Variants in DZIP3 observed in about 807,000 individuals in gnomAD.
DZIP3 encodes E3 ubiquitin-protein ligase DZIP3.
Under a neutral mutation model 162.0 loss-of-function variants are expected in DZIP3, and 118 were observed. The ratio of observed to expected loss-of-function variants is 0.73; its 90% CI spans 0.63 to 0.85. The LOEUF (loss-of-function observed/expected upper bound fraction) is 0.85. DZIP3 is among the 40% of genes least tolerant of loss of function. DZIP3 has a pLI of 0.00. For missense variants in DZIP3, 1,331 were observed against 1,407.0 expected, an observed-to-expected ratio of 0.95 and a Z score of 0.86; for synonymous variants, 438 against 458.6, an observed-to-expected ratio of 0.96 and a Z score of 0.57.
At chr3:108,662,300 T>TA (rs769837232) in intron 21 of DZIP3, 43 bp downstream of exon 21, 1 of 1,548,826 alleles carries the variant, frequency 6.5e-7, no homozygotes, top group African/African-American at 1.4e-5. Context: ...TGCGCCGTAA[T>TA]AAACAGTATC....
intron 4 of DZIP3, among the ~76,000 whole-genome samples, chr3:108,615,499 G>T (rs1372922097): frequency 1.3e-5 from 2 of 152,140 alleles, no homozygotes; most frequent in Non-Finnish European, 2.9e-5. Context: ...TAGAGAAGAG[G>T]CTCATTAAAT....
chr3:108,683,526 A>G (rs1198852582), intron 26 of DZIP3, among the ~76,000 whole-genome samples: 1 of 152,160 alleles, frequency 6.6e-6, no homozygotes, highest in Non-Finnish European at 1.5e-5. Flanking sequence ...CTACATATCC[A>G]ATAAATCTGC....
In DZIP3 at chr3:108,675,675, G is replaced by A. The variant is rs1944080523; in HGVS notation, c.2694-111G>A. Reference sequence around the variant, plus strand: ...TTTGAAGTAATTGTTGGTGATGGGGGTAATTTTGTTTTTTGTTGACATATA... The same window carrying A: ...TTTGAAGTAATTGTTGGTGATGGGGATAATTTTGTTTTTTGTTGACATATA... On this transcript the variant is annotated intron_variant, in intron 24 of 32. Transcript: ENST00000361582. The A allele has an allele frequency of 1.4e-5, 10 of 728,340 alleles. No homozygotes were observed. In the South Asian group the frequency reaches 1.7e-4, roughly 13 times the overall value. The allele number at this position is 728,340 out of a possible 1,614,324, so 45.1% of individuals were successfully genotyped here.
chr3:108,609,082 C>T (rs1158976566), intron 3 of DZIP3, among the ~76,000 whole-genome samples: 6 of 152,140 alleles, frequency 3.9e-5, no homozygotes, highest in Admixed American at 3.9e-4. Flanking sequence ...TCTTATCATG[C>T]GACAGCACTA....
intron 7 of DZIP3, among the ~76,000 whole-genome samples, chr3:108,626,621 T>G (rs1475777531): frequency 6.6e-6 from 1 of 152,210 alleles, no homozygotes; most frequent in Non-Finnish European, 1.5e-5. Flanking sequence ...TTTTATTTAC[T>G]AAGTATCCAT....
intron 18 of DZIP3, among the ~76,000 whole-genome samples, chr3:108,653,507 G>GTGTGTGTATA (rs1273159630): frequency 9.6e-6 from 1 of 104,600 alleles, no homozygotes; most frequent in Admixed American, 1.0e-4. Context: ...GTGTGTGTGT[G>GTGTGTGTATA]TATATATATA....
intron 26 of DZIP3, among the ~76,000 whole-genome samples, chr3:108,681,731 CATGG>C (rs1944317674): frequency 1.4e-5 from 2 of 144,192 alleles, no homozygotes; most frequent in African/African-American, 5.9e-5. Flanking sequence ...AAATATACAC[CATGG>C]AATACTCTGC....
chr3:108,631,940 C>T (rs1399701678), intron 8 of DZIP3, among the ~76,000 whole-genome samples: 1 of 151,696 alleles, frequency 6.6e-6, no homozygotes, highest in Non-Finnish European at 1.5e-5. Context: ...ATTCAGATGC[C>T]TTGTAGACTA....
chr3:108,618,465 C>T (rs1051373964), intron 5 of DZIP3, among the ~76,000 whole-genome samples: 4 of 152,130 alleles, frequency 2.6e-5, no homozygotes, highest in Admixed American at 6.5e-5. Flanking sequence ...CATCTTAGGG[C>T]ACAGAGGTTA....
At chr3:108,631,055 A>ACACACACACACATACACACT in intron 8 of DZIP3, among the ~76,000 whole-genome samples, 3 of 18,006 alleles carry the variant, frequency 1.7e-4, no homozygotes, top group African/African-American at 8.5e-4. Flanking sequence ...ACACACACAC[A>ACACACACACACATACACACT]CTCTCTCTCT....
In DZIP3 at chr3:108,674,153, C is replaced by G; in HGVS notation, c.2665C>G (p.Leu889Val). Residue 889 changes from leucine to valine, a missense_variant, in exon 24 of 33, where the codon CTT becomes GTT. By Grantham distance (32) the Leu-to-Val change is conservative. Coordinates refer to ENST00000361582, the MANE Select transcript of DZIP3 (RefSeq NM_014648.4). Reference protein sequence around the residue: ...EQTEKECLNQLARVTHMAASN... With the variant: ...EQTEKECLNQVARVTHMAASN... ...GACTGAAAAGGAATGTCTCAATCAGCTTGCCAGGGTGACTCACATGGCAGC... is the reference window on the plus strand; with the variant it reads ...GACTGAAAAGGAATGTCTCAATCAGGTTGCCAGGGTGACTCACATGGCAGC... The G allele has an allele frequency of 6.2e-7, 1 of 1,612,360 alleles. No individual in the cohort carries two copies. Among genetic ancestry groups the G allele is most frequent in the Admixed American group, 1.7e-5 (1 of 59,822 alleles).
At chr3:108,601,733 G>A (rs1940030056) in intron 1 of DZIP3, among the ~76,000 whole-genome samples, 1 of 152,098 alleles carries the variant, frequency 6.6e-6, no homozygotes, top group African/African-American at 2.4e-5. Context: ...GATAAACATA[G>A]AGATTGACCC....
Position 108,687,856 on chromosome 3 carries a change from T to A in DZIP3, c.3150-120T>A. 9.2e-6 allele frequency: 12 copies of A among 1,307,004 alleles called. 1 individual carries two copies. In the South Asian group the frequency reaches 1.6e-4, roughly 17 times the overall value. The allele number at this position is 1,307,004 out of a possible 1,614,324, so 81.0% of individuals were successfully genotyped here. ...TTTTTTAGATCAAAGACCTAAAGAG[T>A]CCTGTCTGTATGCTACATATCAATC... On this transcript the variant is annotated intron_variant, in intron 28 of 32. Transcript: ENST00000361582.
intron 5 of DZIP3, among the ~76,000 whole-genome samples, chr3:108,618,107 A>G (rs1174502521): frequency 6.6e-6 from 1 of 152,212 alleles, no homozygotes; most frequent in Admixed American, 6.5e-5. Context: ...TGCAGTTGCG[A>G]ATAGCATCTC....
intron 19 of DZIP3, among the ~76,000 whole-genome samples, chr3:108,660,514 A>C (rs1285851462): frequency 4.6e-5 from 7 of 152,128 alleles, no homozygotes; most frequent in Non-Finnish European, 8.8e-5. Context: ...CTTAAATGTT[A>C]GACCTAAAAC....
At chr3:108,683,673 C>T (rs1263954045) in intron 26 of DZIP3, among the ~76,000 whole-genome samples, 2 of 152,164 alleles carry the variant, frequency 1.3e-5, no homozygotes, top group Non-Finnish European at 2.9e-5. Flanking sequence ...GTTTATCTCC[C>T]AGGCCCATCC....
intron 23 of DZIP3, among the ~76,000 whole-genome samples, chr3:108,673,708 A>C (rs1559776969): frequency 6.6e-6 from 1 of 151,972 alleles, no homozygotes; most frequent in Non-Finnish European, 1.5e-5. Flanking sequence ...ACTTTACTGC[A>C]TGTTAGAATT....
intron 8 of DZIP3, among the ~76,000 whole-genome samples, chr3:108,631,245 T>C (rs1941874103): frequency 6.6e-6 from 1 of 151,952 alleles, no homozygotes; most frequent in African/African-American, 2.4e-5. Context: ...CTTGTTTTGG[T>C]GGTGCAACTC....
intron 23 of DZIP3, among the ~76,000 whole-genome samples, chr3:108,673,775 A>C (rs535117965): frequency 1.0e-3 from 152 of 152,092 alleles, no homozygotes; most frequent in Non-Finnish European, 1.8e-3. Flanking sequence ...CAATCAAATT[A>C]GAATATCTGG....
Sources: gnomAD v4.1 joint callset for allele counts (sites outside exome capture counted in the v4.1 genomes callset) on GRCh38, gnomAD v4.1.1 for gene constraint, MANE v1.5 for transcripts, NCBI Gene and HGNC (gene_info 2026-07-23, HGNC 2026-07-21) for gene names.